MERTK: variants seen among roughly 807,000 people sequenced by gnomAD.
MERTK encodes the protein tyrosine-protein kinase Mer.
In MERTK, 69 loss-of-function variants were observed where a neutral mutation model predicts 99.3. That is an observed-to-expected ratio of 0.70 (90% confidence interval 0.57 to 0.85). MERTK has a LOEUF of 0.85. Ranked by LOEUF, MERTK falls within the 40% of genes least tolerant of loss-of-function variation. MERTK has a pLI of 0.00. For synonymous variants in MERTK, 426 were observed against 467.6 expected (o/e 0.91, Z 1.15); for missense variants, 1,125 against 1,249.4 (o/e 0.90, Z 1.50).
In MERTK at chr2:111,968,147, C is replaced by T. The variant is rs761363381; in HGVS notation, c.855C>T (p.Ser285=). ...GVQINIKAIP[S]PPTEVSIRNS... ...TTTTGTTTTATGCAGCAATTCCCTC[C>T]CCACCAACTGAAGTCAGCATCCGTA... The change falls in exon 6 of 19, where the codon TCC becomes TCT. Residue 285 remains serine (S), a synonymous_variant. Transcript: ENST00000295408. 1 of 1,613,128 alleles carries T rather than the reference C, an allele frequency of 6.2e-7. No homozygotes were observed.
chr2:111,923,928 G>A lies in MERTK; in HGVS notation c.62-5192G>A, dbSNP rs200494034. On this transcript the variant is annotated intron_variant, in intron 1 of 18. Transcript: ENST00000295408. ...CCCAAACCCTTGGGTCCAAAACCTT[G>A]GAATGGTTTTTGTTTTGGCTTTTTT... Among the ~76,000 whole-genome samples, 38 of 152,248 alleles carry A rather than the reference G, an allele frequency of 2.5e-4. 1 individual carries two copies. In the East Asian group the frequency reaches 7.3e-3, roughly 29 times the overall value.
chr2:111,964,398 T>TGTGTGTGTGTGTGTGC (rs771063715), intron 4 of MERTK, among the ~76,000 whole-genome samples: 1 of 81,070 alleles, frequency 1.2e-5, no homozygotes, highest in African/African-American at 4.6e-5. Flanking sequence ...TGTGTGTGTG[T>TGTGTGTGTGTGTGTGC]GCGCGCGCGC....
At chr2:111,925,394 C>T (rs1401688739) in intron 1 of MERTK, among the ~76,000 whole-genome samples, 20 of 145,600 alleles carry the variant, frequency 1.4e-4, no homozygotes, top group Non-Finnish European at 2.8e-4. Context: ...CTCTGCCTCC[C>T]GGGTTCAAGC....
intron 6 of MERTK, among the ~76,000 whole-genome samples, chr2:111,971,641 A>G (rs112254219): frequency 1.8e-4 from 27 of 152,142 alleles, no homozygotes; most frequent in African/African-American, 6.0e-4. Context: ...ACTGATTTCT[A>G]ATGTTATTTT....
At chr2:112,003,871 C>T (rs1475740832) in intron 12 of MERTK, 33 bp from the exon 13 acceptor site, 1 of 1,545,620 alleles carries the variant, frequency 6.5e-7, no homozygotes, top group Non-Finnish European at 8.9e-7. Flanking sequence ...AGAGTTTGCA[C>T]AGTGTCCATA....
At chr2:111,944,533 A>AAAATAATTCC (rs1265922025) in intron 2 of MERTK, among the ~76,000 whole-genome samples, 1 of 151,258 alleles carries the variant, frequency 6.6e-6, no homozygotes, top group Non-Finnish European at 1.5e-5. Flanking sequence ...TTAAGGAATT[A>AAAATAATTCC]GCTCACACAC....
chr2:111,979,663 T>G (rs1676326055), intron 7 of MERTK, among the ~76,000 whole-genome samples: 1 of 152,190 alleles, frequency 6.6e-6, no homozygotes, highest in South Asian at 2.1e-4. Flanking sequence ...TGCCTTTTTA[T>G]TCTACCTTCT....
chr2:111,958,534 A>T (rs74642295), intron 4 of MERTK, among the ~76,000 whole-genome samples: 2,560 of 152,260 alleles, frequency 0.017, 92 homozygotes, highest in Non-Finnish European at 0.018. Flanking sequence ...CTCTACTGGT[A>T]TCTCTTTGGC....
chr2:111,947,609 C>T lies in MERTK; in HGVS notation c.757+42C>T, dbSNP rs768905437. On this transcript the variant is annotated intron_variant, in intron 4 of 18. Transcript: ENST00000295408. ...GGCTTATTGATTTATTCTCTAATAG[C>T]GGACAGGATCAAAAGTTTGGCGACC... 8.1e-6 allele frequency: 13 copies of T among 1,608,352 alleles called. No individual in the cohort carries two copies. In the Admixed American group the frequency reaches 1.3e-4, roughly 17 times the overall value.
In MERTK at chr2:111,928,316, C is replaced by CAAG. The variant is rs1323203918; in HGVS notation, c.62-804_62-803insAAG. Among the ~76,000 whole-genome samples, 4 of 144,014 alleles carry CAAG rather than the reference C, an allele frequency of 2.8e-5. No homozygotes were observed. In the East Asian group the frequency reaches 6.3e-4, roughly 23 times the overall value. The allele number at this position is 144,014 out of a possible 152,430, so 94.5% of individuals were successfully genotyped here. The stretch of plus-strand genomic sequence containing the variant: ...TCTTGGCTCACCACAGCCTTGATCT[C>CAAG]CTGGGCTCAAGCGATCCTCCTTCCT... On this transcript the variant is annotated intron_variant, in intron 1 of 18. Transcript: ENST00000295408.
At chr2:111,943,061 C>A (rs1013057203) in intron 2 of MERTK, among the ~76,000 whole-genome samples, 1 of 152,212 alleles carries the variant, frequency 6.6e-6, no homozygotes, top group Admixed American at 6.5e-5. Context: ...CAGATGCTAA[C>A]CAGGCTGTGC....
At chr2:111,954,886 A>G (rs1205097701) in intron 4 of MERTK, among the ~76,000 whole-genome samples, 1 of 152,218 alleles carries the variant, frequency 6.6e-6, no homozygotes, top group African/African-American at 2.4e-5. Context: ...TTGTAACATT[A>G]TAAAAGAACT....
At chr2:111,940,305 T>A (rs1435869128) in intron 2 of MERTK, 1 of 466,928 alleles carries the variant, frequency 2.1e-6, no homozygotes. Flanking sequence ...AAAGTGTTCA[T>A]CTTCCAACTT....
chr2:111,984,262 T>A (rs1423725671), intron 8 of MERTK, among the ~76,000 whole-genome samples: 7 of 152,138 alleles, frequency 4.6e-5, no homozygotes, highest in Admixed American at 3.3e-4. Flanking sequence ...CCAGCCACAC[T>A]GAAGAGGGCA....
intron 12 of MERTK, among the ~76,000 whole-genome samples, chr2:112,003,596 A>AT (rs1417812218): frequency 2.6e-5 from 4 of 152,198 alleles, no homozygotes; most frequent in Non-Finnish European, 5.9e-5. Context: ...TGGTATTAAA[A>AT]GTTTGTGCTT....
intron 1 of MERTK, among the ~76,000 whole-genome samples, chr2:111,903,488 A>C (rs531007585): frequency 6.6e-6 from 1 of 152,254 alleles, no homozygotes; most frequent in Non-Finnish European, 1.5e-5. Context: ...AAATGTCAGA[A>C]GGTAATTTTT....
In MERTK at chr2:111,955,469, G is replaced by A. The variant is rs141551605; in HGVS notation, c.757+7902G>A. Among the ~76,000 whole-genome samples, 828 of 152,198 alleles carry A rather than the reference G, an allele frequency of 5.4e-3. 8 individuals carry two copies. Among genetic ancestry groups the A allele is most frequent in the African/African-American group, 0.019 (799 of 41,498 alleles). On this transcript the variant is annotated intron_variant, in intron 4 of 18. Coordinates refer to ENST00000295408, the MANE Select transcript of MERTK (RefSeq NM_006343.3). ...ATGTTCTATAAGGGGGTAGAAGAGGGAGCTTCTTTTTGGCAATGGAACAGT... is the reference window on the plus strand; with the variant it reads ...ATGTTCTATAAGGGGGTAGAAGAGGAAGCTTCTTTTTGGCAATGGAACAGT...
At chr2:111,968,032 C>T (rs1685391242) in intron 5 of MERTK, 105 bp from the exon 6 acceptor site, 3 of 824,690 alleles carry the variant, frequency 3.6e-6, no homozygotes, top group Admixed American at 3.9e-5. Flanking sequence ...TTACTAATCT[C>T]AAGGAACGAA....
intron 2 of MERTK, among the ~76,000 whole-genome samples, chr2:111,935,639 G>A (rs1269916095): frequency 2.3e-4 from 1 of 4,278 alleles, no homozygotes; most frequent in Non-Finnish European, 5.5e-4. Context: ...GTCTTGGCTC[G>A]TGTGTGTGTG....
Sources: gnomAD v4.1 joint callset for allele counts (sites outside exome capture counted in the v4.1 genomes callset) on GRCh38, gnomAD v4.1.1 for gene constraint, MANE v1.5 for transcripts, NCBI Gene and HGNC (gene_info 2026-07-23, HGNC 2026-07-21) for gene names.